Variants in CNTNAP2 observed in about 807,000 individuals in gnomAD.
The protein encoded by CNTNAP2 is contactin-associated protein-like 2.
A neutral mutation model predicts 155.2 loss-of-function variants in CNTNAP2; 98 were observed. The ratio of observed to expected loss-of-function variants is 0.63; its 90% CI spans 0.54 to 0.75. The LOEUF (loss-of-function observed/expected upper bound fraction) is 0.75. CNTNAP2 is among the 30% of genes least tolerant of loss of function. The probability of loss-of-function intolerance (pLI) is 0.00; values close to 1 mark genes in which losing one functional copy is unlikely to be tolerated. For missense variants in CNTNAP2, 1,727 were observed against 1,688.1 expected, an observed-to-expected ratio of 1.02 and a Z score of -0.40; for synonymous variants, 651 against 631.2, an observed-to-expected ratio of 1.03 and a Z score of -0.47.
intron 1 of CNTNAP2, among the ~76,000 whole-genome samples, chr7:146,671,834 T>C (rs1227793644): frequency 6.6e-6 from 1 of 152,036 alleles, no homozygotes; most frequent in African/African-American, 2.4e-5. Context: ...TTATTTTTTT[T>C]TGATGGAGTC....
intron 1 of CNTNAP2, among the ~76,000 whole-genome samples, chr7:146,304,701 C>T (rs191187687): frequency 0.015 from 2,223 of 152,206 alleles, 38 homozygotes; most frequent in Admixed American, 0.025. Context: ...CTGCCCTTAA[C>T]ATTTTTTTCC....
At chr7:147,969,642 C>T (rs1361298373) in intron 14 of CNTNAP2, among the ~76,000 whole-genome samples, 1 of 152,018 alleles carries the variant, frequency 6.6e-6, no homozygotes. Flanking sequence ...GGACAGAGGG[C>T]ATGTAGCAGA....
intron 9 of CNTNAP2, among the ~76,000 whole-genome samples, chr7:147,365,398 A>AAAAAAAAAAAC (rs1796213000): frequency 2.0e-5 from 3 of 150,472 alleles, no homozygotes; most frequent in Admixed American, 6.6e-5. Flanking sequence ...AAAAAAAAAA[A>AAAAAAAAAAAC]AAAAAAAAAA....
intron 10 of CNTNAP2, among the ~76,000 whole-genome samples, chr7:147,455,257 A>T (rs771561146): frequency 3.9e-5 from 6 of 152,142 alleles, no homozygotes; most frequent in Non-Finnish European, 5.9e-5. Context: ...TGAAATCAGG[A>T]ATTAGTGATA....
intron 17 of CNTNAP2, among the ~76,000 whole-genome samples, chr7:148,170,872 G>A (rs1466776044): frequency 6.6e-6 from 1 of 152,172 alleles, no homozygotes; most frequent in Non-Finnish European, 1.5e-5. Context: ...CCAGCCTACT[G>A]ATCTTACCTG....
At chr7:146,720,410 A>AG (rs1192841079) in intron 1 of CNTNAP2, among the ~76,000 whole-genome samples, 1 of 152,106 alleles carries the variant, frequency 6.6e-6, no homozygotes, top group East Asian at 1.9e-4. Context: ...TATTATGCTT[A>AG]GGGGACACAA....
In CNTNAP2 at chr7:146,638,476, C is replaced by CTTTTT. The variant is rs879600389; in HGVS notation, c.98-135777_98-135773dup. ...AACAGTTTAATACAGTCAGGTGTTT[C>CTTTTT]TTTTTTTTTTTTTTTTTTTTTTCTT... On this transcript the variant is annotated intron_variant, in intron 1 of 23. Coordinates refer to ENST00000361727, the MANE Select transcript of CNTNAP2 (RefSeq NM_014141.6). 3.3e-3 allele frequency among the ~76,000 whole-genome samples: 215 copies of CTTTTT among 64,340 alleles called. 11 individuals are homozygous for CTTTTT. The highest frequency in any genetic ancestry group is 4.6e-3 in the African/African-American group (95 of 20,736). The allele number at this position is 64,340 out of a possible 152,430, so 42.2% of individuals were successfully genotyped here.
chr7:147,166,282 A>G (rs1802111670), intron 8 of CNTNAP2, among the ~76,000 whole-genome samples: 1 of 152,226 alleles, frequency 6.6e-6, no homozygotes, highest in Admixed American at 6.5e-5. Context: ...TAAGTGAAGT[A>G]TACAAGGAAT....
intron 1 of CNTNAP2, among the ~76,000 whole-genome samples, chr7:146,345,604 T>G (rs1794808050): frequency 1.3e-5 from 2 of 152,214 alleles, no homozygotes; most frequent in South Asian, 4.1e-4. Flanking sequence ...CACACTTTGT[T>G]GATGACAAGG....
At chr7:148,033,995 G>T (rs1329280503) in intron 15 of CNTNAP2, among the ~76,000 whole-genome samples, 1 of 151,994 alleles carries the variant, frequency 6.6e-6, no homozygotes, top group Non-Finnish European at 1.5e-5. Context: ...GCAGGAAAAA[G>T]AAAATTCTAA....
intron 15 of CNTNAP2, among the ~76,000 whole-genome samples, chr7:148,111,864 T>G (rs1804360736): frequency 6.6e-6 from 1 of 152,188 alleles, no homozygotes; most frequent in South Asian, 2.1e-4. Context: ...CGAGTATCTC[T>G]TTTCTCAAGG....
chr7:146,223,330 A>G (rs2116900795), intron 1 of CNTNAP2, among the ~76,000 whole-genome samples: 1 of 152,314 alleles, frequency 6.6e-6, no homozygotes, highest in Non-Finnish European at 1.5e-5. Context: ...AGTTTGTGGA[A>G]GTTATTTATA....
At chr7:146,871,804 A>C (rs1245643645) in intron 3 of CNTNAP2, among the ~76,000 whole-genome samples, 1 of 151,986 alleles carries the variant, frequency 6.6e-6, no homozygotes, top group Non-Finnish European at 1.5e-5. Context: ...ATGTCTTTAC[A>C]TTGAGAAACT....
At chr7:146,895,199 T>C (rs1795849922) in intron 3 of CNTNAP2, among the ~76,000 whole-genome samples, 1 of 149,186 alleles carries the variant, frequency 6.7e-6, no homozygotes, top group Non-Finnish European at 1.5e-5. Flanking sequence ...TCCTACATCC[T>C]TCCCTTCCTT....
intron 11 of CNTNAP2, among the ~76,000 whole-genome samples, chr7:147,552,597 C>T (rs1302879934): frequency 6.6e-6 from 1 of 151,870 alleles, no homozygotes; most frequent in Non-Finnish European, 1.5e-5. Flanking sequence ...CACACACACA[C>T]ACACACACAC....
intron 9 of CNTNAP2, among the ~76,000 whole-genome samples, chr7:147,332,454 G>T (rs549200528): frequency 1.5e-4 from 23 of 152,120 alleles, no homozygotes; most frequent in African/African-American, 4.8e-4. Flanking sequence ...TTACCACTCA[G>T]AAAATGCCTG....
At chr7:147,180,287 C>T (rs1802428121) in intron 8 of CNTNAP2, among the ~76,000 whole-genome samples, 1 of 152,070 alleles carries the variant, frequency 6.6e-6, no homozygotes, top group South Asian at 2.1e-4. Flanking sequence ...GTGATCCAAC[C>T]CTTTTTGGAG....
intron 1 of CNTNAP2, among the ~76,000 whole-genome samples, chr7:146,400,353 C>A (rs1394604485): frequency 3.3e-5 from 5 of 152,084 alleles, no homozygotes; most frequent in Non-Finnish European, 5.9e-5. Flanking sequence ...GTATTGTTCT[C>A]GACTTTGTTT....
At chr7:146,241,819 C>T (rs774829107) in intron 1 of CNTNAP2, among the ~76,000 whole-genome samples, 79 of 149,370 alleles carry the variant, frequency 5.3e-4, no homozygotes, top group Non-Finnish European at 9.4e-4. Flanking sequence ...TATATATATA[C>T]CTATACACAC....
Sources: allele counts gnomAD v4.1 joint callset (sites outside exome capture counted in the v4.1 genomes callset), GRCh38; gene constraint gnomAD v4.1.1; transcripts MANE v1.5; gene names NCBI Gene and HGNC (gene_info 2026-07-23, HGNC 2026-07-21).